The following ANKH variants were observed in gnomAD, a reference collection of about 807,000 sequenced individuals.
The protein encoded by ANKH is mineralization regulator ANKH.
ANKH carries 15 observed loss-of-function variants against 49.0 expected under a neutral mutation model. That is an observed-to-expected ratio of 0.31 (90% CI 0.20 to 0.47). The LOEUF (loss-of-function observed/expected upper bound fraction) is 0.47. Among genes scored for constraint, ANKH ranks in the 20% least tolerant of loss-of-function variants. The probability of loss-of-function intolerance (pLI) is 1.00; values close to 1 mark genes in which losing one functional copy is unlikely to be tolerated. For synonymous variants in ANKH, 273 were observed against 260.0 expected, an observed-to-expected ratio of 1.05 and a Z score of -0.48; for missense variants, 429 against 652.0, an observed-to-expected ratio of 0.66 and a Z score of 3.72.
Position 14,710,852 on chromosome 5 carries a change from A to C in ANKH, c.*345T>G, listed in dbSNP as rs1279816942. 1 of 354,458 alleles carries C rather than the reference A, an allele frequency of 2.8e-6. No homozygotes were observed. The highest frequency in any genetic ancestry group is 2.1e-5 in the African/African-American group (1 of 47,004). The allele number at this position is 354,458 out of a possible 1,614,324, so 22.0% of individuals were successfully genotyped here. On this transcript the variant is annotated 3_prime_UTR_variant, in exon 12 of 12. Transcript: ENST00000284268. ...TGCAGGGTGACCGAGGCGCGATGGC[A>C]CAGCTGCAGTCCTTTGGTTCCAAGA... is the stretch of plus-strand genomic sequence containing the variant.
intron 1 of ANKH, among the ~76,000 whole-genome samples, chr5:14,867,592 G>A (rs953006570): frequency 1.3e-5 from 2 of 150,832 alleles, no homozygotes; most frequent in African/African-American, 4.9e-5. Flanking sequence ...TCGCTCTGTC[G>A]CCCAGGCCGG....
intron 1 of ANKH, among the ~76,000 whole-genome samples, chr5:14,849,012 TGA>T (rs1042502790): frequency 5.3e-5 from 8 of 152,360 alleles, no homozygotes; most frequent in African/African-American, 1.9e-4. Flanking sequence ...GGGTGTGAGC[TGA>T]GTTACAAGCC....
intron 1 of ANKH, among the ~76,000 whole-genome samples, chr5:14,833,723 C>A (rs969145628): frequency 6.6e-6 from 1 of 152,196 alleles, no homozygotes; most frequent in Non-Finnish European, 1.5e-5. Context: ...CCAAACTGAC[C>A]TGTAGGCCCT....
intron 6 of ANKH, among the ~76,000 whole-genome samples, chr5:14,748,188 C>T (rs548594230): frequency 2.0e-5 from 3 of 152,290 alleles, no homozygotes; most frequent in Non-Finnish European, 4.4e-5. Flanking sequence ...AAGAACAAAA[C>T]CTGTGTGTTA....
At chr5:14,754,231 A>AGGAAAATGGCTGTAGGTGTATTG (rs1738807678) in intron 4 of ANKH, among the ~76,000 whole-genome samples, 1 of 152,230 alleles carries the variant, frequency 6.6e-6, no homozygotes, top group African/African-American at 2.4e-5. Context: ...AAAATAGAGA[A>AGGAAAATGGCTGTAGGTGTATTG]GGAAAATGGC....
At chr5:14,803,694 G>A (rs1432866544) in intron 1 of ANKH, among the ~76,000 whole-genome samples, 1 of 152,014 alleles carries the variant, frequency 6.6e-6, no homozygotes, top group East Asian at 1.9e-4. Context: ...AGTTCACTCC[G>A]TGATCTTGGC....
chr5:14,767,067 C>T (rs896921701), intron 2 of ANKH, among the ~76,000 whole-genome samples: 6 of 152,072 alleles, frequency 3.9e-5, no homozygotes, highest in African/African-American at 7.2e-5. Context: ...GGAAGGGCAA[C>T]GTTCAATGAC....
intron 1 of ANKH, among the ~76,000 whole-genome samples, chr5:14,793,058 A>AT (rs145425597): frequency 0.34 from 26,120 of 77,282 alleles, 4,286 homozygotes; most frequent in East Asian, 0.68. Context: ...AAATATATAT[A>AT]AAATATATAT....
chr5:14,804,540 CTACTT>C (rs1414127651), intron 1 of ANKH, among the ~76,000 whole-genome samples: 1 of 152,194 alleles, frequency 6.6e-6, no homozygotes, highest in Non-Finnish European at 1.5e-5. Context: ...GAGTCTGTGT[CTACTT>C]TACGCTTACT....
At chr5:14,730,843 G>A (rs932219418) in intron 8 of ANKH, among the ~76,000 whole-genome samples, 3 of 152,222 alleles carry the variant, frequency 2.0e-5, no homozygotes, top group South Asian at 2.1e-4. Flanking sequence ...GCCAGAGCCC[G>A]GGTTCCACTG....
intron 1 of ANKH, among the ~76,000 whole-genome samples, chr5:14,833,095 T>C (rs1463705214): frequency 6.6e-6 from 1 of 152,210 alleles, no homozygotes; most frequent in Non-Finnish European, 1.5e-5. Flanking sequence ...GATGGATCAG[T>C]TGGCAACAAA....
chr5:14,859,485 T>G (rs544026523), intron 1 of ANKH, among the ~76,000 whole-genome samples: 27 of 152,226 alleles, frequency 1.8e-4, no homozygotes, highest in Admixed American at 1.8e-3. Flanking sequence ...TTAAGATGTG[T>G]ACCATTGGAA....
chr5:14,735,910 A>G lies in ANKH; in HGVS notation c.1011+5917T>C, dbSNP rs531123296. Among the ~76,000 whole-genome samples, 4 of 152,050 alleles carry G rather than the reference A, an allele frequency of 2.6e-5. No homozygotes were observed. The East Asian group carries it at 7.7e-4, about 29-fold the overall frequency. On this transcript the variant is annotated intron_variant, in intron 8 of 11. Transcript: ENST00000284268. ...CCTATTCAACCCATAACAATAAAAT[A>G]GAAGGTTCCGGGTTGAATGCAGTTT...
Position 14,728,997 on chromosome 5 carries a change from G to A in ANKH, c.1012-12162C>T, listed in dbSNP as rs566029412. ...AGTAGGTAGAAATGGGAGTGGAGGA[G>A]CCCATCCTGACCTGCAAGGTGCGTC... On this transcript the variant is annotated intron_variant, in intron 8 of 11. Coordinates refer to ENST00000284268, the MANE Select transcript of ANKH (RefSeq NM_054027.6). Among the ~76,000 whole-genome samples, 6 of 152,292 alleles carry A rather than the reference G, an allele frequency of 3.9e-5. No individual in the cohort carries two copies. The East Asian group carries it at 1.2e-3, about 29-fold the overall frequency.
chr5:14,848,205 G>A (rs982207949), intron 1 of ANKH, among the ~76,000 whole-genome samples: 1 of 152,108 alleles, frequency 6.6e-6, no homozygotes, highest in African/African-American at 2.4e-5. Flanking sequence ...GAAGGTGACT[G>A]CACCCACCTT....
At chr5:14,812,147 A>C (rs957843500) in intron 1 of ANKH, among the ~76,000 whole-genome samples, 1 of 150,652 alleles carries the variant, frequency 6.6e-6, no homozygotes, top group African/African-American at 2.4e-5. Context: ...AAAGAATAAA[A>C]GGATCCTAAT....
chr5:14,728,949 G>A (rs937970219), intron 8 of ANKH, among the ~76,000 whole-genome samples: 1 of 152,198 alleles, frequency 6.6e-6, no homozygotes, highest in African/African-American at 2.4e-5. Context: ...GGGCGCGGAA[G>A]GCCCTCTCCA....
At chr5:14,781,991 C>G (rs1467037269) in intron 1 of ANKH, among the ~76,000 whole-genome samples, 1 of 152,094 alleles carries the variant, frequency 6.6e-6, no homozygotes, top group Admixed American at 6.5e-5. Flanking sequence ...CTCTCCCTAC[C>G]TACTATCTCC....
At chr5:14,835,856 C>A (rs887781204) in intron 1 of ANKH, among the ~76,000 whole-genome samples, 1 of 152,072 alleles carries the variant, frequency 6.6e-6, no homozygotes, top group Non-Finnish European at 1.5e-5. Context: ...AACATCAATG[C>A]AAAAATCCTC....
Sources: gnomAD v4.1 joint callset for allele counts (sites outside exome capture counted in the v4.1 genomes callset) on GRCh38, gnomAD v4.1.1 for gene constraint, MANE v1.5 for transcripts, NCBI Gene and HGNC (gene_info 2026-07-23, HGNC 2026-07-21) for gene names.